ACVR2B: variants seen among roughly 807,000 people sequenced by gnomAD.
ACVR2B encodes activin A receptor type 2B.
In ACVR2B, 18 loss-of-function variants were observed where a neutral mutation model predicts 65.1. That is an observed-to-expected ratio of 0.28 (90% CI 0.19 to 0.41). ACVR2B has a LOEUF of 0.41. ACVR2B is among the 10% of genes least tolerant of loss of function. ACVR2B has a pLI of 1.00. For missense variants in ACVR2B, 482 were observed against 682.7 expected (o/e 0.71, Z 3.28); for synonymous variants, 298 against 277.7 (o/e 1.07, Z -0.73).
intron 1 of ACVR2B, among the ~76,000 whole-genome samples, chr3:38,468,172 G>T (rs1191013110): frequency 4.2e-4 from 64 of 152,304 alleles, no homozygotes; most frequent in Non-Finnish European, 5.9e-5. Context: ...GAGCCACCAT[G>T]CGGGCCTGAT....
rs1431944493 is a variant in ACVR2B, at chr3:38,479,698, C to T, written c.831C>T (p.Leu277=). The T allele has an allele frequency of 6.8e-6, 11 of 1,614,094 alleles. No individual in the cohort carries two copies. The highest frequency in any genetic ancestry group is 9.3e-6 in the Non-Finnish European group (11 of 1,180,046). Residue 277 remains leucine (L), a synonymous_variant, in exon 7 of 11, where the codon CTC becomes CTT. Coordinates refer to ENST00000352511, the MANE Select transcript of ACVR2B (RefSeq NM_001106.4). ...CTCAGGGCTCCCTCACGGATTACCT[C>T]AAGGGGAACATCATCACATGGAACG... The part of the protein sequence containing the change: ...FHDKGSLTDY[L]KGNIITWNEL...
intron 1 of ACVR2B, among the ~76,000 whole-genome samples, chr3:38,458,123 T>C (rs1709581155): frequency 6.6e-6 from 1 of 152,122 alleles, no homozygotes; most frequent in African/African-American, 2.4e-5. Context: ...CCCTATGGCC[T>C]CCCATCACTT....
rs886058430 is a variant in ACVR2B at position 38,492,604 on chromosome 3, C to G, written c.*9272C>G. 2.0e-5 allele frequency: 3 copies of G among 149,888 alleles called. No individual in the cohort carries two copies. Among genetic ancestry groups the G allele is most frequent in the Non-Finnish European group, 4.4e-5 (3 of 67,704 alleles). The allele number at this position is 149,888 out of a possible 1,614,324, so 9.3% of individuals were successfully genotyped here. A position where few individuals can be genotyped will look rare whatever the true frequency, so the allele number is the denominator to read the frequency against. ...TTTTGTAGAACAGAAATAGCTTGTA[C>G]TACTGAATTAACAAAAGTTATACTA... On this transcript the variant is annotated 3_prime_UTR_variant, in exon 11 of 11. Transcript: ENST00000352511.
At chr3:38,482,710 G>A (rs1255720461) in intron 10 of ACVR2B, 150 bp downstream of exon 10, 2 of 1,187,366 alleles carry the variant, frequency 1.7e-6, no homozygotes, top group African/African-American at 1.5e-5. Flanking sequence ...GGGGTTATGG[G>A]GAGTGAGGTA....
chr3:38,470,566 CAGAA>C (rs1488997950), intron 1 of ACVR2B, among the ~76,000 whole-genome samples: 2 of 152,090 alleles, frequency 1.3e-5, no homozygotes, highest in Non-Finnish European at 2.9e-5. Context: ...ACAGTGATCT[CAGAA>C]AGAAAGGCAG....
rs1012950223 is a variant in ACVR2B at position 38,486,960 on chromosome 3, A to C, written c.*3628A>C. On this transcript the variant is annotated 3_prime_UTR_variant, in exon 11 of 11. Coordinates refer to ENST00000352511, the MANE Select transcript of ACVR2B (RefSeq NM_001106.4). ...TCATCAGAACATCCTGGCCTGGCAT[A>C]AGCTGGGTTTTCTCCTGGGACCATT... is the stretch of plus-strand genomic sequence containing the variant. 2 of 152,404 alleles carry C rather than the reference A, an allele frequency of 1.3e-5. No homozygotes were observed. Among genetic ancestry groups the C allele is most frequent in the African/African-American group, 4.8e-5 (2 of 41,458 alleles). The allele number at this position is 152,404 out of a possible 1,614,324, so 9.4% of individuals were successfully genotyped here. A position where few individuals can be genotyped will look rare whatever the true frequency, so the allele number is the denominator to read the frequency against.
At position 38,486,708 on chromosome 3, in the gene ACVR2B, T is replaced by G. The variant is rs1710128617; in HGVS notation, c.*3376T>G. ...GCAGAGAGTAGCCAAGGATCCTTGCTTCTTCCTTTCTAGTGTGCTGTCATC... is the reference window on the plus strand; with the variant it reads ...GCAGAGAGTAGCCAAGGATCCTTGCGTCTTCCTTTCTAGTGTGCTGTCATC... On this transcript the variant is annotated 3_prime_UTR_variant, in exon 11 of 11. Coordinates refer to ENST00000352511, the MANE Select transcript of ACVR2B (RefSeq NM_001106.4). 1 of 152,224 alleles carries G rather than the reference T, an allele frequency of 6.6e-6. No homozygotes were observed. The highest frequency in any genetic ancestry group is 1.5e-5 in the Non-Finnish European group (1 of 68,048). 9.4% of individuals were successfully genotyped at this position (152,224 alleles called of 1,614,324 possible).
chr3:38,480,306 TAG>T lies in ACVR2B; in HGVS notation c.959+482_959+483del, dbSNP rs1709995984. 2.0e-5 allele frequency among the ~76,000 whole-genome samples: 3 copies of T among 152,324 alleles called. No homozygotes were observed. In the South Asian group the frequency reaches 6.2e-4, roughly 32 times the overall value. ...ATAAATGAAAATAATTTTGACTTTA[TAG>T]ATTCCCTTGGAACAGTCTTAGAGAT... On this transcript the variant is annotated intron_variant, in intron 7 of 10. Transcript: ENST00000352511.
intron 1 of ACVR2B, among the ~76,000 whole-genome samples, chr3:38,462,462 G>C (rs1248750769): frequency 1.3e-5 from 2 of 152,104 alleles, no homozygotes; most frequent in African/African-American, 2.4e-5. Flanking sequence ...CACCCACTAA[G>C]GTTAACTACT....
rs969651678 is a variant in ACVR2B at position 38,482,690 on chromosome 3, A to T, written c.1344+130A>T. On this transcript the variant is annotated intron_variant, in intron 10 of 10. Coordinates refer to ENST00000352511, the MANE Select transcript of ACVR2B (RefSeq NM_001106.4). ...CTGCGACGTTCCCTGGACTCTAGGG[A>T]TGTGTTCCAGGGGTTATGGGGAGTG... is the stretch of plus-strand genomic sequence containing the variant. 3.7e-6 allele frequency: 5 copies of T among 1,363,994 alleles called. No individual in the cohort carries two copies. The African/African-American group carries it at 7.2e-5, about 20-fold the overall frequency. The allele number at this position is 1,363,994 out of a possible 1,614,324, so 84.5% of individuals were successfully genotyped here. A position where few individuals can be genotyped will look rare whatever the true frequency, so the allele number is the denominator to read the frequency against.
At chr3:38,475,121 G>A (rs1709885068) in intron 1 of ACVR2B, 1 of 152,376 alleles carries the variant, frequency 6.6e-6, no homozygotes, top group African/African-American at 2.4e-5. Flanking sequence ...GAATAACCCA[G>A]TAATTGGGTG....
At chr3:38,480,332 A>G (rs1381988040) in intron 7 of ACVR2B, among the ~76,000 whole-genome samples, 3 of 152,164 alleles carry the variant, frequency 2.0e-5, no homozygotes, top group Non-Finnish European at 4.4e-5. Flanking sequence ...AGTCTTAGAG[A>G]TCTTCTGGGG....
intron 1 of ACVR2B, chr3:38,475,499 C>T (rs925486258): frequency 6.6e-6 from 1 of 152,218 alleles, no homozygotes; most frequent in Non-Finnish European, 1.5e-5. Context: ...TACCTGGATC[C>T]TTGAGATTCG....
intron 6 of ACVR2B, 145 bp downstream of exon 6, chr3:38,479,416 C>G (rs1709977464): frequency 7.7e-7 from 1 of 1,303,554 alleles, no homozygotes; most frequent in Non-Finnish European, 1.1e-6. Context: ...GGGGTTACTC[C>G]TGCCATAGGT....
rs1186831524 is a variant in ACVR2B at position 38,479,765 on chromosome 3, T to C, written c.898T>C (p.Tyr300His). ...AGAGACGATGTCACGAGGCCTCTCATACCTGCATGAGGATGTGCCCTGGTG... is the reference window on the plus strand; with the variant it reads ...AGAGACGATGTCACGAGGCCTCTCACACCTGCATGAGGATGTGCCCTGGTG... ...VAETMSRGLSYLHEDVPWCRG... is the reference protein window; with the variant it reads ...VAETMSRGLSHLHEDVPWCRG... Residue 300 changes from tyrosine (Y) to histidine (H), a missense_variant, in exon 7 of 11, where the codon TAC becomes CAC. This residue lies in a region of ACVR2B where 223 missense variants were observed against 386.3 expected (regional missense o/e 0.58). Coordinates refer to ENST00000352511, the MANE Select transcript of ACVR2B (RefSeq NM_001106.4). 6.2e-7 allele frequency: 1 copy of C among 1,614,130 alleles called. No individual in the cohort carries two copies. The highest frequency in any genetic ancestry group is 8.5e-7 in the Non-Finnish European group (1 of 1,180,042).
At chr3:38,476,790 T>G in intron 1 of ACVR2B, 4 of 209,416 alleles carry the variant, frequency 1.9e-5, no homozygotes, top group Non-Finnish European at 2.9e-5. Context: ...TGGGTCTGGA[T>G]TGGGCCTGGA....
intron 1 of ACVR2B, among the ~76,000 whole-genome samples, chr3:38,462,943 A>G (rs1709672831): frequency 6.6e-6 from 1 of 152,146 alleles, no homozygotes; most frequent in South Asian, 2.1e-4. Flanking sequence ...CTCTGCGGTA[A>G]TCTGTGAACA....
intron 1 of ACVR2B, among the ~76,000 whole-genome samples, chr3:38,469,862 G>A (rs1331315407): frequency 1.3e-5 from 2 of 152,124 alleles, no homozygotes; most frequent in Non-Finnish European, 2.9e-5. Context: ...AGAATTCTAA[G>A]AGAGATTTGG....
intron 7 of ACVR2B, 139 bp downstream of exon 7, chr3:38,479,965 A>G (rs1223948013): frequency 8.1e-7 from 1 of 1,227,944 alleles, no homozygotes; most frequent in East Asian, 2.6e-5. Context: ...GCAGCTGGGC[A>G]CAAAACCTGG....
Sources: gnomAD v4.1 joint callset for allele counts (sites outside exome capture counted in the v4.1 genomes callset) on GRCh38, gnomAD v4.1.1 for gene constraint, gnomAD v4.1.1 regional missense constraint, MANE v1.5 for transcripts, NCBI Gene and HGNC (gene_info 2026-07-23, HGNC 2026-07-21) for gene names.